The following MYO1B variants were observed in gnomAD, a reference collection of about 807,000 sequenced individuals.
The protein encoded by MYO1B is myosin IB.
MYO1B carries 72 observed loss-of-function variants against 159.7 expected under a neutral mutation model. That is an observed-to-expected ratio of 0.45 (90% CI 0.37 to 0.55). The LOEUF (loss-of-function observed/expected upper bound fraction) is 0.55, where lower values mean the gene tolerates loss of function less well. Among genes scored for constraint, MYO1B ranks in the 20% least tolerant of loss-of-function variants. The probability of loss-of-function intolerance (pLI) is 0.00; values close to 1 mark genes in which losing one functional copy is unlikely to be tolerated. For synonymous variants in MYO1B, 468 were observed against 473.8 expected, an observed-to-expected ratio of 0.99 and a Z score of 0.16; for missense variants, 1,062 against 1,364.8, an observed-to-expected ratio of 0.78 and a Z score of 3.50.
intron 7 of MYO1B, among the ~76,000 whole-genome samples, chr2:191,358,368 T>A (rs1693436365): frequency 6.6e-6 from 1 of 152,254 alleles, no homozygotes; most frequent in African/African-American, 2.4e-5. Context: ...ACTCACCTAG[T>A]ATCATGTTTC....
chr2:191,391,575 TTC>T (rs1695753118), intron 18 of MYO1B, among the ~76,000 whole-genome samples: 1 of 152,164 alleles, frequency 6.6e-6, no homozygotes, highest in Non-Finnish European at 1.5e-5. Context: ...TGAGGTTTAG[TTC>T]TAAAGACTGA....
intron 2 of MYO1B, among the ~76,000 whole-genome samples, chr2:191,282,954 T>A (rs1688152494): frequency 6.6e-6 from 1 of 152,198 alleles, no homozygotes; most frequent in African/African-American, 2.4e-5. Context: ...GAGAACAAAT[T>A]GTGTGTGCCT....
Position 191,416,127 on chromosome 2 carries a change from G to A in MYO1B, c.3172G>A (p.Ala1058Thr), listed in dbSNP as rs754590536. 2 of 1,613,928 alleles carry A rather than the reference G, an allele frequency of 1.2e-6. No individual in the cohort carries two copies. The highest frequency in any genetic ancestry group is 3.3e-5 in the Admixed American group (2 of 59,968). ...TTTGTCCTTGCAGGGCTCAGAAGCA[G>A]CTAGTAAAGGAGACTTTCTCTTCAG... ...AVHLKEGSEA[A>T]SKGDFLFSSD... Residue 1058 changes from alanine (A) to threonine (T), a missense_variant, in exon 30 of 31, where the codon GCT (alanine) becomes ACT (threonine). Around this residue, in one of 5 missense-constraint regions of MYO1B, gnomAD observed 609 missense variants for 744.4 expected, o/e 0.82. Transcript: ENST00000392318.
At chr2:191,327,107 A>G (rs1157182171) in intron 3 of MYO1B, among the ~76,000 whole-genome samples, 1 of 152,162 alleles carries the variant, frequency 6.6e-6, no homozygotes, top group Non-Finnish European at 1.5e-5. Context: ...AATCTAAGCA[A>G]TGCTTTCCTT....
intron 17 of MYO1B, chr2:191,388,208 C>A (rs1372806242): frequency 6.7e-6 from 1 of 149,994 alleles, no homozygotes; most frequent in Non-Finnish European, 1.5e-5. Context: ...CGCTTGGAGG[C>A]AGAGGTTGCA....
chr2:191,268,221 C>A (rs1002623612), intron 1 of MYO1B, among the ~76,000 whole-genome samples: 1 of 152,194 alleles, frequency 6.6e-6, no homozygotes, highest in Non-Finnish European at 1.5e-5. Flanking sequence ...AGTGGGAGAT[C>A]AAGTTGTTGG....
chr2:191,392,086 G>A (rs1421954035), intron 18 of MYO1B, 22 bp from the exon 19 acceptor site: 14 of 1,566,270 alleles, frequency 8.9e-6, no homozygotes, highest in African/African-American at 1.4e-5. Context: ...AAAACTCACT[G>A]TTTTTATTTT....
intron 8 of MYO1B, among the ~76,000 whole-genome samples, chr2:191,361,641 A>G (rs931902946): frequency 4.0e-5 from 6 of 151,418 alleles, no homozygotes; most frequent in Non-Finnish European, 8.8e-5. Context: ...ATGTAGAAGT[A>G]TCTACATATA....
chr2:191,257,301 C>T (rs1412405778), intron 1 of MYO1B, among the ~76,000 whole-genome samples: 1 of 152,018 alleles, frequency 6.6e-6, no homozygotes, highest in African/African-American at 2.4e-5. Flanking sequence ...CTAAAAGCAC[C>T]AGGAATCTTG....
chr2:191,352,661 T>C (rs1030511425), intron 7 of MYO1B, among the ~76,000 whole-genome samples: 1 of 152,238 alleles, frequency 6.6e-6, no homozygotes, highest in Non-Finnish European at 1.5e-5. Context: ...TGAAATTATA[T>C]TGAAATTTGT....
At chr2:191,263,348 C>T (rs1686938649) in intron 1 of MYO1B, 5 of 984,802 alleles carry the variant, frequency 5.1e-6, no homozygotes, top group Non-Finnish European at 4.8e-6. Flanking sequence ...GGCTAAAGTG[C>T]TAGTTAAATC....
chr2:191,300,066 ATT>A (rs1689216595), intron 3 of MYO1B, among the ~76,000 whole-genome samples: 1 of 151,954 alleles, frequency 6.6e-6, no homozygotes, highest in Non-Finnish European at 1.5e-5. Flanking sequence ...ATTTTCCTGC[ATT>A]TTTCTTTGCA....
At chr2:191,348,588 CTT>C (rs66688359) in intron 6 of MYO1B, among the ~76,000 whole-genome samples, 1 of 150,786 alleles carries the variant, frequency 6.6e-6, no homozygotes, top group Non-Finnish European at 1.5e-5. Context: ...CATGACTGGA[CTT>C]TTTTTTTTCC....
At chr2:191,331,027 A>G (rs1173213266) in intron 4 of MYO1B, among the ~76,000 whole-genome samples, 1 of 152,204 alleles carries the variant, frequency 6.6e-6, no homozygotes, top group Non-Finnish European at 1.5e-5. Flanking sequence ...CTCACTATCT[A>G]CATCGAAATG....
intron 1 of MYO1B, chr2:191,247,972 G>A: frequency 1.0e-6 from 1 of 985,424 alleles, no homozygotes. Flanking sequence ...AAAGCAAGGA[G>A]GAACGTCTGA....
At chr2:191,348,446 A>T (rs1250433986) in intron 6 of MYO1B, among the ~76,000 whole-genome samples, 1 of 152,040 alleles carries the variant, frequency 6.6e-6, no homozygotes, top group Non-Finnish European at 1.5e-5. Flanking sequence ...TGTCAAAAGG[A>T]TCCCCTCTTA....
chr2:191,412,453 T>C lies in MYO1B; in HGVS notation c.2873+1281T>C, dbSNP rs576873027. 2.6e-5 allele frequency among the ~76,000 whole-genome samples: 4 copies of C among 152,316 alleles called. No individual in the cohort carries two copies. In the South Asian group the frequency reaches 8.3e-4, roughly 32 times the overall value. On this transcript the variant is annotated intron_variant, in intron 27 of 30. Coordinates refer to ENST00000392318, the MANE Select transcript of MYO1B (RefSeq NM_001130158.3). ...AAAAAGTTAACTTCAAGCCAAGTCC[T>C]TTTTGGGTAGTCTTATCAGTTTTCA...
At chr2:191,281,842 G>A (rs1688080750) in intron 2 of MYO1B, among the ~76,000 whole-genome samples, 1 of 152,134 alleles carries the variant, frequency 6.6e-6, no homozygotes, top group African/African-American at 2.4e-5. Flanking sequence ...TAAGATTGGG[G>A]ATCATCTAGA....
chr2:191,385,999 AGAG>A lies in MYO1B; in HGVS notation c.1470_1472del (p.Glu490_Ser491delinsAsp). ...GTATGTGCCACCCACCAGCATTTTG[AGAG>A]CAGGATGAGCAAGTGCTCTCGGTTC... is the stretch of plus-strand genomic sequence containing the variant. On this transcript the variant is annotated inframe_deletion, in exon 16 of 31. Coordinates refer to ENST00000392318, the MANE Select transcript of MYO1B (RefSeq NM_001130158.3). 6.2e-7 allele frequency: 1 copy of A among 1,614,122 alleles called. No homozygotes were observed. The highest frequency in any genetic ancestry group is 8.5e-7 in the Non-Finnish European group (1 of 1,179,998).
Sources: allele counts gnomAD v4.1 joint callset (sites outside exome capture counted in the v4.1 genomes callset), GRCh38; gene constraint gnomAD v4.1.1; regional missense constraint gnomAD v4.1.1; transcripts MANE v1.5; gene names NCBI Gene and HGNC (gene_info 2026-07-23, HGNC 2026-07-21).